C2CD2: variants seen among roughly 807,000 people sequenced by gnomAD.
C2CD2 encodes C2 calcium dependent domain containing 2.
C2CD2 carries 43 observed loss-of-function variants against 74.3 expected under a neutral mutation model. That is an observed-to-expected ratio of 0.58 (90% CI 0.45 to 0.75). C2CD2 has a LOEUF of 0.75. C2CD2 is among the 30% of genes least tolerant of loss of function. The pLI, the probability that C2CD2 is intolerant of heterozygous loss-of-function variation, is 0.00. For missense variants in C2CD2, 801 were observed against 916.3 expected, an observed-to-expected ratio of 0.87 and a Z score of 1.63; for synonymous variants, 422 against 390.7, an observed-to-expected ratio of 1.08 and a Z score of -0.94.
At position 41,888,194 on chromosome 21, in the gene C2CD2, T is replaced by G. The variant is rs1029135790; in HGVS notation, c.*930A>C. On this transcript the variant is annotated 3_prime_UTR_variant, in exon 14 of 14. Coordinates refer to ENST00000380486, the MANE Select transcript of C2CD2 (RefSeq NM_015500.2). ...ATTTCCTCTATTGCCCTAAAAAGAC[T>G]TTGTTTTGGCTACTGGCAGCACTTG... 1 of 152,578 alleles carries G rather than the reference T, an allele frequency of 6.6e-6. No homozygotes were observed. Among genetic ancestry groups the G allele is most frequent in the African/African-American group, 2.4e-5 (1 of 41,438 alleles). The allele number at this position is 152,578 out of a possible 1,614,324, so 9.5% of individuals were successfully genotyped here.
rs547159710 is a variant in C2CD2, at chr21:41,926,428, G to A, written c.379-4343C>T. On this transcript the variant is annotated intron_variant, in intron 2 of 13. Coordinates refer to ENST00000380486, the MANE Select transcript of C2CD2 (RefSeq NM_015500.2). This position sits in a 1 kb window ranked among gnomAD's most constrained non-coding sequence, Gnocchi z 8.0. Reference sequence around the variant, plus strand: ...GGTTGGCAGGTGAGGGTTTGGGTCGGGGAGCCCTGGGCAGCAGATGGAAGC... The same window carrying A: ...GGTTGGCAGGTGAGGGTTTGGGTCGAGGAGCCCTGGGCAGCAGATGGAAGC... 1.1e-4 allele frequency: 109 copies of A among 982,172 alleles called. No individual in the cohort carries two copies. The South Asian group carries it at 3.0e-3, about 27-fold the overall frequency. The allele number at this position is 982,172 out of a possible 1,614,324, so 60.8% of individuals were successfully genotyped here.
Position 41,948,893 on chromosome 21 carries a change from C to CTTTTTTTTTTTTTTTTTTTT in C2CD2, c.279+4476_279+4477insAAAAAAAAAAAAAAAAAAAA, listed in dbSNP as rs58888005. On this transcript the variant is annotated intron_variant, in intron 1 of 13. Transcript: ENST00000380486. ...ATCTTTTTTTTTTTTTTTTTTTTTTCTTTTTTTTTACAAAGACCATAATGA... is the reference window on the plus strand; with the variant it reads ...ATCTTTTTTTTTTTTTTTTTTTTTTCTTTTTTTTTTTTTTTTTTTTTTTTTTTTTACAAAGACCATAATGA... Among the ~76,000 whole-genome samples the CTTTTTTTTTTTTTTTTTTTT allele has an allele frequency of 2.0e-5, 2 of 98,598 alleles. 1 individual carries two copies. Among genetic ancestry groups the CTTTTTTTTTTTTTTTTTTTT allele is most frequent in the Non-Finnish European group, 3.6e-5 (2 of 55,764 alleles). 64.7% of individuals were successfully genotyped at this position (98,598 alleles called of 152,430 possible).
In C2CD2 at chr21:41,899,015, A is replaced by G. The variant is rs1444666583; in HGVS notation, c.1870+38T>C. ...AGCCAGCATGAGCGCAAAGCCACCA[A>G]GTGGGGGGCCCGGGATGGGGGGCTC... On this transcript the variant is annotated intron_variant, in intron 13 of 13. Transcript: ENST00000380486. This position sits in a 1 kb window ranked among gnomAD's most constrained non-coding sequence, Gnocchi z 4.4. The G allele has an allele frequency of 6.5e-7, 1 of 1,543,156 alleles. No individual in the cohort carries two copies. The highest frequency in any genetic ancestry group is 8.9e-7 in the Non-Finnish European group (1 of 1,125,726).
chr21:41,917,960 T>C, intron 5 of C2CD2, 145 bp downstream of exon 5: 2 of 857,204 alleles, frequency 2.3e-6, no homozygotes, highest in South Asian at 3.4e-5. Context: ...ACATCCACCA[T>C]CATGATCTCC....
At chr21:41,891,699 A>G (rs1449923030) in intron 13 of C2CD2, among the ~76,000 whole-genome samples, 1 of 152,152 alleles carries the variant, frequency 6.6e-6, no homozygotes, top group Non-Finnish European at 1.5e-5. Flanking sequence ...TCCCAGGTGG[A>G]ACAGGGGAGA....
chr21:41,913,025 C>T (rs2076316042), intron 6 of C2CD2, among the ~76,000 whole-genome samples: 1 of 152,226 alleles, frequency 6.6e-6, no homozygotes, highest in Non-Finnish European at 1.5e-5. Flanking sequence ...GTGCTGGCCA[C>T]AAGCGTGGGC....
intron 1 of C2CD2, among the ~76,000 whole-genome samples, chr21:41,942,493 G>A (rs971718242): frequency 7.2e-5 from 11 of 152,164 alleles, no homozygotes; most frequent in African/African-American, 2.2e-4. Context: ...ACAGGAACCC[G>A]GGAGTAAACC....
At position 41,945,622 on chromosome 21, in the gene C2CD2, CCAT is replaced by C. The variant is rs2065391931; in HGVS notation, c.280-3380_280-3378del. 6.6e-6 allele frequency among the ~76,000 whole-genome samples: 1 copy of C among 152,316 alleles called. No individual in the cohort carries two copies. Among genetic ancestry groups the C allele is most frequent in the African/African-American group, 2.4e-5 (1 of 41,560 alleles). ...TTCGGTTTGGCTCTGTTTGTAACCACCATGTGTCAAGAGAGGGACCTGTAATCC... is the reference window on the plus strand; with the variant it reads ...TTCGGTTTGGCTCTGTTTGTAACCACGTGTCAAGAGAGGGACCTGTAATCC... On this transcript the variant is annotated intron_variant, in intron 1 of 13. Transcript: ENST00000380486. This position sits in a 1 kb window ranked among gnomAD's most constrained non-coding sequence, Gnocchi z 4.2.
At chr21:41,896,955 G>A (rs755933571) in intron 13 of C2CD2, among the ~76,000 whole-genome samples, 3 of 152,188 alleles carry the variant, frequency 2.0e-5, no homozygotes, top group Non-Finnish European at 2.9e-5. Flanking sequence ...AGGTAGGGGC[G>A]CAGGAGTGAA....
At chr21:41,890,891 A>C (rs2064744962) in intron 13 of C2CD2, among the ~76,000 whole-genome samples, 1 of 152,218 alleles carries the variant, frequency 6.6e-6, no homozygotes, top group African/African-American at 2.4e-5. Context: ...CCTGACTTCA[A>C]GCAGGAACTA....
intron 1 of C2CD2, among the ~76,000 whole-genome samples, chr21:41,947,112 T>TCTCTCTCTC (rs1555906757): frequency 7.6e-5 from 2 of 26,146 alleles, no homozygotes; most frequent in African/African-American, 3.5e-4. Flanking sequence ...CCTTTCTCTT[T>TCTCTCTCTC]TCTCTCTCTC....
chr21:41,898,439 C>T lies in C2CD2; in HGVS notation c.1870+614G>A, dbSNP rs911205009. ...GGTTACTCATGCCAAGGCACTGTCT[C>T]GGCAAATCTGCACACGCTTAAGGAA... On this transcript the variant is annotated intron_variant, in intron 13 of 13. Coordinates refer to ENST00000380486, the MANE Select transcript of C2CD2 (RefSeq NM_015500.2). 5.3e-5 allele frequency among the ~76,000 whole-genome samples: 8 copies of T among 152,214 alleles called. 1 individual carries two copies. The highest frequency in any genetic ancestry group is 5.2e-4 in the Admixed American group (8 of 15,280).
At chr21:41,911,388 C>CTTTTTTTTTTTTTTTTTTTTTTTTTTTT (rs58934224) in intron 7 of C2CD2, among the ~76,000 whole-genome samples, 2 of 116,756 alleles carry the variant, frequency 1.7e-5, no homozygotes, top group African/African-American at 6.5e-5. Flanking sequence ...TATCTCGATT[C>CTTTTTTTTTTTTTTTTTTTTTTTTTTTT]TTTTTTTTTT....
At position 41,888,848 on chromosome 21, in the gene C2CD2, G is replaced by T. The variant is rs2064713079; in HGVS notation, c.*276C>A. The T allele has an allele frequency of 3.9e-6, 2 of 515,618 alleles. No individual in the cohort carries two copies. The highest frequency in any genetic ancestry group is 3.8e-5 in the African/African-American group (2 of 52,448). 31.9% of individuals were successfully genotyped at this position (515,618 alleles called of 1,614,324 possible). A position where few individuals can be genotyped will look rare whatever the true frequency, so the allele number is the denominator to read the frequency against. The stretch of plus-strand genomic sequence containing the variant: ...ATAATGTTAATCTCCTTCTAATATT[G>T]AACCCTAACCCTTAGCTATGAGCAC... On this transcript the variant is annotated 3_prime_UTR_variant, in exon 14 of 14. Coordinates refer to ENST00000380486, the MANE Select transcript of C2CD2 (RefSeq NM_015500.2).
chr21:41,941,392 G>A (rs1402873348), intron 2 of C2CD2, among the ~76,000 whole-genome samples: 1 of 152,040 alleles, frequency 6.6e-6, no homozygotes, highest in African/African-American at 2.4e-5. Flanking sequence ...AAGAGAGAGA[G>A]AAAATGTCTT....
chr21:41,905,020 C>T (rs2146161254), intron 11 of C2CD2, among the ~76,000 whole-genome samples: 1 of 152,268 alleles, frequency 6.6e-6, no homozygotes, highest in South Asian at 2.1e-4. Flanking sequence ...GGGAAAACTA[C>T]TTCTACTAAG....
chr21:41,899,659 G>A lies in C2CD2; in HGVS notation c.1561-297C>T, dbSNP rs1384507669. ...GGGCCTAGCGGTGGGAGCGTTTGTGGCAAGCTGCAGAAATGAGATGCGAGA... is the reference window on the plus strand; with the variant it reads ...GGGCCTAGCGGTGGGAGCGTTTGTGACAAGCTGCAGAAATGAGATGCGAGA... On this transcript the variant is annotated intron_variant, in intron 12 of 13. Transcript: ENST00000380486. This position sits in a 1 kb window ranked among gnomAD's most constrained non-coding sequence, Gnocchi z 4.4. Among the ~76,000 whole-genome samples the A allele has an allele frequency of 6.6e-6, 1 of 151,944 alleles. No individual in the cohort carries two copies. Among genetic ancestry groups the A allele is most frequent in the East Asian group, 1.9e-4 (1 of 5,164 alleles).
intron 13 of C2CD2, among the ~76,000 whole-genome samples, chr21:41,898,279 G>T (rs985852635): frequency 2.0e-5 from 3 of 152,130 alleles, no homozygotes; most frequent in Admixed American, 2.0e-4. Context: ...TTTGTCCCCC[G>T]AATGGTGGAG....
At chr21:41,920,767 T>C (rs768279874) in intron 3 of C2CD2, among the ~76,000 whole-genome samples, 2 of 152,264 alleles carry the variant, frequency 1.3e-5, no homozygotes, top group African/African-American at 4.8e-5. Flanking sequence ...GTTCCTTCTG[T>C]GTGAGCTGCT....
Sources: gnomAD v4.1 joint callset for allele counts (sites outside exome capture counted in the v4.1 genomes callset) on GRCh38, gnomAD v4.1.1 for gene constraint, Gnocchi (gnomAD v3.1) non-coding constraint, MANE v1.5 for transcripts, NCBI Gene and HGNC (gene_info 2026-07-23, HGNC 2026-07-21) for gene names.